Variants in IL1RAPL1 observed in about 807,000 individuals in gnomAD.
IL1RAPL1 encodes the protein interleukin-1 receptor accessory protein-like 1.
IL1RAPL1 carries 3 observed loss-of-function variants against 48.4 expected under a neutral mutation model. The ratio of observed to expected loss-of-function variants is 0.06; its 90% CI spans 0.03 to 0.16. The LOEUF (loss-of-function observed/expected upper bound fraction) is 0.16. Among genes scored for constraint, IL1RAPL1 ranks in the 10% least tolerant of loss-of-function variants. IL1RAPL1 has a pLI of 1.00. For missense variants in IL1RAPL1, 349 were observed against 530.6 expected, an observed-to-expected ratio of 0.66 and a Z score of 3.36; for synonymous variants, 185 against 187.7, an observed-to-expected ratio of 0.99 and a Z score of 0.12.
intron 2 of IL1RAPL1, among the ~76,000 whole-genome samples, chrX:29,053,520 C>A (rs961466295): frequency 8.9e-6 from 1 of 111,968 alleles, no homozygotes; most frequent in Non-Finnish European, 1.9e-5. Flanking sequence ...TCCTTTTTCT[C>A]TGCAACCTTG....
chrX:28,833,208 T>C (rs987221674), intron 2 of IL1RAPL1, among the ~76,000 whole-genome samples: 3 of 111,651 alleles, frequency 2.7e-5, no homozygotes, highest in Admixed American at 1.9e-4. Context: ...CACATATTCC[T>C]TATCCAGTCC....
chrX:29,538,962 A>G (rs889454432), intron 5 of IL1RAPL1, among the ~76,000 whole-genome samples: 2 of 111,290 alleles, frequency 1.8e-5, no homozygotes, highest in Non-Finnish European at 3.8e-5. Context: ...ATAGCCAAAA[A>G]TCTACCAGAC....
At chrX:28,968,800 T>C (rs1351989489) in intron 2 of IL1RAPL1, among the ~76,000 whole-genome samples, 1 of 112,954 alleles carries the variant, frequency 8.9e-6, no homozygotes, top group Non-Finnish European at 1.9e-5. Flanking sequence ...CACATACACA[T>C]ATAGAGATGG....
At chrX:29,178,878 T>C (rs1346526720) in intron 2 of IL1RAPL1, among the ~76,000 whole-genome samples, 1 of 112,046 alleles carries the variant, frequency 8.9e-6, no homozygotes, top group African/African-American at 3.2e-5. Flanking sequence ...CTTGTTTTTG[T>C]CAGGTTTGTC....
chrX:29,570,099 A>G lies in IL1RAPL1; in HGVS notation c.704-98331A>G, dbSNP rs894778923. On this transcript the variant is annotated intron_variant, in intron 5 of 10. Coordinates refer to ENST00000378993, the MANE Select transcript of IL1RAPL1 (RefSeq NM_014271.4). ...GGCTATTATTTGCCTCATCAGACGG[A>G]TGCATTCTTAATAAAAGATAAATTA... is the stretch of plus-strand genomic sequence containing the variant. Among the ~76,000 whole-genome samples, 19 of 112,198 alleles carry G rather than the reference A, an allele frequency of 1.7e-4. No homozygotes were observed. The Admixed American group carries it at 1.8e-3, about 11-fold the overall frequency.
At chrX:29,844,104 G>T (rs754055830) in intron 6 of IL1RAPL1, among the ~76,000 whole-genome samples, 61 of 111,411 alleles carry the variant, frequency 5.5e-4, no homozygotes, top group Admixed American at 1.8e-3. Context: ...ACCAATACAT[G>T]GTATTCAATC....
intron 6 of IL1RAPL1, among the ~76,000 whole-genome samples, chrX:29,720,064 C>T (rs1053052489): frequency 2.7e-5 from 3 of 111,926 alleles, no homozygotes; most frequent in Admixed American, 9.5e-5. Context: ...TACCATCTCA[C>T]GCCAGTTAGA....
chrX:29,649,787 G>A (rs962052366), intron 5 of IL1RAPL1, among the ~76,000 whole-genome samples: 1 of 110,682 alleles, frequency 9.0e-6, no homozygotes, highest in Non-Finnish European at 1.9e-5. Flanking sequence ...AGAAATAAAG[G>A]GTATCCAAAT....
intron 5 of IL1RAPL1, among the ~76,000 whole-genome samples, chrX:29,555,797 C>A (rs1921979093): frequency 8.9e-6 from 1 of 112,033 alleles, no homozygotes; most frequent in Admixed American, 9.4e-5. Flanking sequence ...TTATGCATGT[C>A]ACATTTTAGC....
At chrX:29,424,840 CATT>C (rs1180415883) in intron 5 of IL1RAPL1, among the ~76,000 whole-genome samples, 3 of 111,817 alleles carry the variant, frequency 2.7e-5, no homozygotes, top group African/African-American at 9.8e-5. Flanking sequence ...GGGATGTTGA[CATT>C]ATGAAGGAAC....
At chrX:28,947,451 A>T (rs1190608972) in intron 2 of IL1RAPL1, among the ~76,000 whole-genome samples, 1 of 111,145 alleles carries the variant, frequency 9.0e-6, no homozygotes, top group Non-Finnish European at 1.9e-5. Context: ...AGCCCTTAAA[A>T]ACTTACTGTT....
intron 1 of IL1RAPL1, among the ~76,000 whole-genome samples, chrX:28,710,424 G>C (rs1460031953): frequency 1.8e-5 from 2 of 110,576 alleles, no homozygotes; most frequent in East Asian, 5.7e-4. Context: ...GAGTAGGTGA[G>C]ATTTTAGCAA....
At chrX:29,435,716 A>G (rs1372634070) in intron 5 of IL1RAPL1, among the ~76,000 whole-genome samples, 1 of 111,249 alleles carries the variant, frequency 9.0e-6, no homozygotes, top group Non-Finnish European at 1.9e-5. Flanking sequence ...TTACGAAAGA[A>G]AAAACCTGCT....
chrX:28,842,085 C>T (rs1921387036), intron 2 of IL1RAPL1, among the ~76,000 whole-genome samples: 1 of 109,992 alleles, frequency 9.1e-6, no homozygotes, highest in Non-Finnish European at 1.9e-5. Context: ...CCTGGTTTGT[C>T]ACCTCTCCCA....
intron 5 of IL1RAPL1, among the ~76,000 whole-genome samples, chrX:29,659,636 G>T (rs746082349): frequency 9.0e-6 from 1 of 111,731 alleles, no homozygotes; most frequent in Non-Finnish European, 1.9e-5. Context: ...TTTTTGGTTT[G>T]TTTTTGAAAC....
At chrX:29,312,710 A>G (rs1032238468) in intron 3 of IL1RAPL1, among the ~76,000 whole-genome samples, 4 of 111,503 alleles carry the variant, frequency 3.6e-5, no homozygotes, top group Non-Finnish European at 5.7e-5. Flanking sequence ...AGAGGCTGAT[A>G]TGGTTTGGCT....
intron 6 of IL1RAPL1, among the ~76,000 whole-genome samples, chrX:29,828,680 ATGATATATAGCCC>A (rs981394483): frequency 2.7e-5 from 3 of 111,955 alleles, no homozygotes; most frequent in African/African-American, 9.7e-5. Flanking sequence ...TTTTATTTCT[ATGATATATAGCCC>A]TGATGGACAT....
At chrX:29,468,359 A>G (rs930334323) in intron 5 of IL1RAPL1, among the ~76,000 whole-genome samples, 1 of 112,500 alleles carries the variant, frequency 8.9e-6, no homozygotes, top group Admixed American at 9.4e-5. Flanking sequence ...ATGTGCAAAC[A>G]TGTAAGTGAA....
chrX:29,856,117 T>C (rs987746132), intron 6 of IL1RAPL1, among the ~76,000 whole-genome samples: 1 of 112,119 alleles, frequency 8.9e-6, no homozygotes, highest in Non-Finnish European at 1.9e-5. Context: ...TTGAGAGTTT[T>C]GGTACACCAG....
Sources: allele counts gnomAD v4.1 joint callset (sites outside exome capture counted in the v4.1 genomes callset), GRCh38; gene constraint gnomAD v4.1.1; transcripts MANE v1.5; gene names NCBI Gene and HGNC (gene_info 2026-07-23, HGNC 2026-07-21).